Variants in GRIK2 observed in about 807,000 individuals in gnomAD.
The protein encoded by GRIK2 is glutamate ionotropic receptor kainate type subunit 2, also known as glutamate receptor ionotropic, kainate 2.
In GRIK2, 32 loss-of-function variants were observed where a neutral mutation model predicts 100.3. The observed-to-expected ratio is 0.32, with a 90% CI of 0.24 to 0.43. The LOEUF (loss-of-function observed/expected upper bound fraction) is 0.43, where lower values mean the gene tolerates loss of function less well. Among genes scored for constraint, GRIK2 ranks in the 20% least tolerant of loss-of-function variants. The probability of loss-of-function intolerance (pLI) is 1.00; values close to 1 mark genes in which losing one functional copy is unlikely to be tolerated. For missense variants in GRIK2, 843 were observed against 1,114.9 expected (o/e 0.76, Z 3.47); for synonymous variants, 417 against 389.4 (o/e 1.07, Z -0.83).
intron 7 of GRIK2, among the ~76,000 whole-genome samples, chr6:101,740,824 T>C (rs773077550): frequency 5.9e-5 from 9 of 152,096 alleles, no homozygotes; most frequent in Admixed American, 1.3e-4. Context: ...GCTCTCCTGT[T>C]AACTAATAGA....
chr6:101,832,642 T>G (rs1782778069), intron 10 of GRIK2, among the ~76,000 whole-genome samples: 1 of 152,168 alleles, frequency 6.6e-6, no homozygotes, highest in African/African-American at 2.4e-5. Flanking sequence ...CTGAGTGAGA[T>G]CTAAAGAAAA....
chr6:101,643,603 T>C (rs536604167), intron 4 of GRIK2, among the ~76,000 whole-genome samples: 15 of 151,918 alleles, frequency 9.9e-5, no homozygotes. Context: ...TGTCTGCCTT[T>C]GTGCCAGTAT....
chr6:101,761,732 G>T (rs1215699023), intron 7 of GRIK2, among the ~76,000 whole-genome samples: 1 of 151,648 alleles, frequency 6.6e-6, no homozygotes, highest in African/African-American at 2.4e-5. Flanking sequence ...CAGATGCAAA[G>T]ATTTTACCTA....
chr6:101,679,522 A>C (rs1418151417), intron 5 of GRIK2, among the ~76,000 whole-genome samples: 1 of 152,126 alleles, frequency 6.6e-6, no homozygotes, highest in African/African-American at 2.4e-5. Flanking sequence ...TACTGATTTT[A>C]TTCTCTCTAA....
chr6:101,939,216 G>A (rs540186815), intron 14 of GRIK2, among the ~76,000 whole-genome samples: 7 of 152,072 alleles, frequency 4.6e-5, no homozygotes, highest in Admixed American at 2.0e-4. Flanking sequence ...AAGTTGTGGC[G>A]TGAAATCCTA....
intron 10 of GRIK2, among the ~76,000 whole-genome samples, chr6:101,822,747 T>C (rs966542609): frequency 4.6e-5 from 7 of 151,974 alleles, no homozygotes; most frequent in African/African-American, 9.7e-5. Flanking sequence ...ATATATTTTT[T>C]CTTTTTTTTA....
intron 10 of GRIK2, among the ~76,000 whole-genome samples, chr6:101,834,894 A>T (rs1401244860): frequency 6.6e-6 from 1 of 152,118 alleles, no homozygotes; most frequent in Non-Finnish European, 1.5e-5. Flanking sequence ...GGTCCCAGCT[A>T]CTGGAGAGGC....
At chr6:101,824,161 A>G (rs1447195159) in intron 10 of GRIK2, among the ~76,000 whole-genome samples, 6 of 152,068 alleles carry the variant, frequency 3.9e-5, no homozygotes, top group Admixed American at 3.9e-4. Context: ...CTGGGATTAC[A>G]GGTGTGAGCC....
intron 14 of GRIK2, among the ~76,000 whole-genome samples, chr6:101,936,331 T>C (rs375373118): frequency 1.3e-5 from 2 of 152,062 alleles, no homozygotes; most frequent in African/African-American, 2.4e-5. Flanking sequence ...TGTTGAAATA[T>C]CGAATGTGGG....
intron 2 of GRIK2, among the ~76,000 whole-genome samples, chr6:101,511,597 T>C (rs975073397): frequency 6.6e-6 from 1 of 151,968 alleles, no homozygotes; most frequent in African/African-American, 2.4e-5. Context: ...ATAAAAAGAT[T>C]ATTGTCTTAA....
At chr6:101,872,797 A>G (rs752773605) in intron 11 of GRIK2, among the ~76,000 whole-genome samples, 2 of 151,954 alleles carry the variant, frequency 1.3e-5, no homozygotes, top group African/African-American at 2.4e-5. Context: ...AATATTAAAT[A>G]GATTAAGTAA....
At chr6:101,510,699 C>G (rs1201087438) in intron 2 of GRIK2, among the ~76,000 whole-genome samples, 1 of 150,490 alleles carries the variant, frequency 6.6e-6, no homozygotes, top group Non-Finnish European at 1.5e-5. Flanking sequence ...ATTTTTTGTA[C>G]TTTTAGTAGA....
chr6:101,894,365 A>G (rs911830309), intron 12 of GRIK2, among the ~76,000 whole-genome samples: 2 of 151,752 alleles, frequency 1.3e-5, no homozygotes, highest in African/African-American at 4.8e-5. Context: ...TTATAGCATA[A>G]TGACATAATC....
At chr6:101,452,815 A>T (rs1347692331) in intron 2 of GRIK2, among the ~76,000 whole-genome samples, 1 of 151,894 alleles carries the variant, frequency 6.6e-6, no homozygotes, top group Non-Finnish European at 1.5e-5. Context: ...GGGTTAAGGG[A>T]GTAGTGAAGC....
intron 2 of GRIK2, among the ~76,000 whole-genome samples, chr6:101,440,992 A>G (rs1034993794): frequency 7.0e-6 from 1 of 143,324 alleles, no homozygotes; most frequent in Non-Finnish European, 1.5e-5. Flanking sequence ...TTTTTTTTTA[A>G]GACAGGATCT....
intron 10 of GRIK2, among the ~76,000 whole-genome samples, chr6:101,855,779 T>A (rs2128441701): frequency 6.6e-6 from 1 of 151,888 alleles, no homozygotes; most frequent in Admixed American, 6.6e-5. Flanking sequence ...AAAAGCAGAT[T>A]TAGTTTTTAC....
chr6:101,725,753 CA>C (rs1292665287), intron 7 of GRIK2, among the ~76,000 whole-genome samples: 1 of 151,862 alleles, frequency 6.6e-6, no homozygotes, highest in Non-Finnish European at 1.5e-5. Context: ...GGACAGAATT[CA>C]AGAGAGTATC....
chr6:101,900,228 G>A (rs1222257221), intron 12 of GRIK2, among the ~76,000 whole-genome samples: 1 of 152,070 alleles, frequency 6.6e-6, no homozygotes, highest in Non-Finnish European at 1.5e-5. Flanking sequence ...ACTTTGGGAG[G>A]CCGAGGTGGG....
intron 2 of GRIK2, among the ~76,000 whole-genome samples, chr6:101,574,468 C>CT (rs947503613): frequency 4.6e-4 from 69 of 149,962 alleles, no homozygotes; most frequent in African/African-American, 1.4e-3. Flanking sequence ...GATTTTAACC[C>CT]TTTTTTTTAA....
Sources: gnomAD v4.1 joint callset for allele counts (sites outside exome capture counted in the v4.1 genomes callset) on GRCh38, gnomAD v4.1.1 for gene constraint, MANE v1.5 for transcripts, NCBI Gene and HGNC (gene_info 2026-07-23, HGNC 2026-07-21) for gene names.